SPOPL: variants seen among roughly 807,000 people sequenced by gnomAD.
The protein encoded by SPOPL is speckle type BTB/POZ protein like.
Under a neutral mutation model 53.8 loss-of-function variants are expected in SPOPL, and 23 were observed. That is an observed-to-expected ratio of 0.43 (90% CI 0.31 to 0.61). The LOEUF (loss-of-function observed/expected upper bound fraction) is 0.61. SPOPL is among the 20% of genes least tolerant of loss of function. The probability of loss-of-function intolerance (pLI) is 0.12; values close to 1 mark genes in which losing one functional copy is unlikely to be tolerated. For missense variants in SPOPL, 442 were observed against 466.9 expected (o/e 0.95, Z 0.49); for synonymous variants, 164 against 149.7 (o/e 1.10, Z -0.70).
In SPOPL at chr2:138,525,661, A is replaced by AAAAAAAAAC. The variant is rs1410816638; in HGVS notation, c.-61+23550_-61+23551insCAAAAAAAA. On this transcript the variant is annotated intron_variant, in intron 1 of 10. Transcript: ENST00000280098. ...CTGCATCAGTATAAAAAGTAGAAAAAAAAAAAAAAAAAATACACAAAAAAC... is the reference window on the plus strand; with the variant it reads ...CTGCATCAGTATAAAAAGTAGAAAAAAAAAAAAACAAAAAAAAAAAAATACACAAAAAAC... 1.4e-4 allele frequency among the ~76,000 whole-genome samples: 14 copies of AAAAAAAAAC among 98,418 alleles called. 1 individual carries two copies. The East Asian group carries it at 1.5e-3, about 10-fold the overall frequency. 64.6% of individuals were successfully genotyped at this position (98,418 alleles called of 152,430 possible).
intron 1 of SPOPL, among the ~76,000 whole-genome samples, chr2:138,535,370 A>G (rs188568304): frequency 1.3e-5 from 2 of 152,290 alleles, no homozygotes; most frequent in African/African-American, 4.8e-5. Context: ...ACCTAGGAGT[A>G]GAATAGCTGG....
rs562888484 is a variant in SPOPL, at chr2:138,512,480, A to G, written c.-61+10361A>G. ...GACGCGTGTTTTAATTTCAGTTAAAATATACTGCTTTTTCATTGCACAGTG... is the reference window on the plus strand; with the variant it reads ...GACGCGTGTTTTAATTTCAGTTAAAGTATACTGCTTTTTCATTGCACAGTG... On this transcript the variant is annotated intron_variant, in intron 1 of 10. Coordinates refer to ENST00000280098, the MANE Select transcript of SPOPL (RefSeq NM_001001664.3). Among the ~76,000 whole-genome samples the G allele has an allele frequency of 5.9e-5, 9 of 152,314 alleles. No homozygotes were observed. In the East Asian group the frequency reaches 1.7e-3, roughly 29 times the overall value.
intron 1 of SPOPL, among the ~76,000 whole-genome samples, chr2:138,535,094 A>T (rs1223560521): frequency 6.6e-6 from 1 of 152,166 alleles, no homozygotes; most frequent in Non-Finnish European, 1.5e-5. Context: ...ATAAGAAATA[A>T]AATTACCCAG....
chr2:138,533,121 A>G (rs558233776), intron 1 of SPOPL, among the ~76,000 whole-genome samples: 2 of 152,268 alleles, frequency 1.3e-5, no homozygotes, highest in African/African-American at 4.8e-5. Context: ...AAAATTTCCT[A>G]TTATCCACTC....
chr2:138,523,694 A>G (rs1019491581), intron 1 of SPOPL, among the ~76,000 whole-genome samples: 15 of 152,192 alleles, frequency 9.9e-5, no homozygotes, highest in African/African-American at 3.4e-4. Flanking sequence ...CCCCCATGCA[A>G]ATTCAAAATC....
intron 5 of SPOPL, among the ~76,000 whole-genome samples, chr2:138,557,537 AATTT>A (rs1314326276): frequency 7.9e-5 from 12 of 152,112 alleles, no homozygotes; most frequent in African/African-American, 1.7e-4. Context: ...TAGTTTAGCA[AATTT>A]ATTTATTTAT....
intron 8 of SPOPL, among the ~76,000 whole-genome samples, chr2:138,562,485 T>C (rs1486471447): frequency 2.0e-5 from 3 of 152,102 alleles, no homozygotes; most frequent in Non-Finnish European, 1.5e-5. Context: ...CCTCAAACCA[T>C]GTATACAAAG....
chr2:138,520,220 A>G (rs1306136775), intron 1 of SPOPL, among the ~76,000 whole-genome samples: 3 of 152,194 alleles, frequency 2.0e-5, no homozygotes, highest in Non-Finnish European at 4.4e-5. Context: ...TGCATAGGTA[A>G]TTTCTGATTC....
intron 1 of SPOPL, among the ~76,000 whole-genome samples, chr2:138,534,326 C>G (rs1278689459): frequency 6.6e-6 from 1 of 152,046 alleles, no homozygotes; most frequent in African/African-American, 2.4e-5. Flanking sequence ...TAAAACAGCA[C>G]AGTATAACAA....
chr2:138,531,650 A>T (rs72860811), intron 1 of SPOPL, among the ~76,000 whole-genome samples: 1,899 of 152,242 alleles, frequency 0.012, 24 homozygotes, highest in Non-Finnish European at 0.017. Context: ...TGATCTTTTA[A>T]AAAGTTTTCT....
At chr2:138,524,799 T>C (rs193235852) in intron 1 of SPOPL, among the ~76,000 whole-genome samples, 1 of 152,346 alleles carries the variant, frequency 6.6e-6, no homozygotes. Context: ...GTCCATATCA[T>C]TATTAGCATT....
chr2:138,544,130 T>A lies in SPOPL; in HGVS notation c.-60-6027T>A, dbSNP rs191242931. 1.5e-3 allele frequency among the ~76,000 whole-genome samples: 226 copies of A among 152,330 alleles called. 1 individual carries two copies. Among genetic ancestry groups the A allele is most frequent in the African/African-American group, 5.2e-3 (217 of 41,582 alleles). Reference sequence around the variant, plus strand: ...GAGGAGTACCCGGCCTTGTGAGGTGTCAGTCTGCCCCTACTGGGGGGTGTC... The same window carrying A: ...GAGGAGTACCCGGCCTTGTGAGGTGACAGTCTGCCCCTACTGGGGGGTGTC... On this transcript the variant is annotated intron_variant, in intron 1 of 10. Transcript: ENST00000280098.
chr2:138,539,523 T>A (rs1685017674), intron 1 of SPOPL, among the ~76,000 whole-genome samples: 2 of 152,258 alleles, frequency 1.3e-5, no homozygotes, highest in South Asian at 4.1e-4. Context: ...TTTTTTCATG[T>A]GTCTGTTGGC....
chr2:138,572,874 G>C lies in SPOPL; in HGVS notation c.*3794G>C, dbSNP rs985272052. On this transcript the variant is annotated 3_prime_UTR_variant, in exon 11 of 11. Coordinates refer to ENST00000280098, the MANE Select transcript of SPOPL (RefSeq NM_001001664.3). ...AATCACACAGTGTCTTCTGTTTGCA[G>C]TATGTGAACTTTATGTTTGAAAAGA... 2 of 152,430 alleles carry C rather than the reference G, an allele frequency of 1.3e-5. No homozygotes were observed. The highest frequency in any genetic ancestry group is 2.9e-5 in the Non-Finnish European group (2 of 67,974). 9.4% of individuals were successfully genotyped at this position (152,430 alleles called of 1,614,324 possible). A position where few individuals can be genotyped will look rare whatever the true frequency, so the allele number is the denominator to read the frequency against.
chr2:138,544,444 C>T (rs1358364936), intron 1 of SPOPL, among the ~76,000 whole-genome samples: 1 of 152,208 alleles, frequency 6.6e-6, no homozygotes, highest in African/African-American at 2.4e-5. Context: ...GGGCGCTCCT[C>T]CCCCAGCCTC....
intron 5 of SPOPL, 144 bp from the exon 6 acceptor site, chr2:138,558,878 C>G: frequency 2.0e-6 from 1 of 508,838 alleles, no homozygotes. Context: ...TTTTTAATTT[C>G]AGTTTCTGGA....
At position 138,550,894 on chromosome 2, in the gene SPOPL, T is replaced by A; in HGVS notation, c.201-9T>A. 1 of 1,601,804 alleles carries A rather than the reference T, an allele frequency of 6.2e-7. No homozygotes were observed. The highest frequency in any genetic ancestry group is 8.5e-7 in the Non-Finnish European group (1 of 1,175,732). ...TATTCCTCCATGTGAGCTTATTGTTTTATTTTAGGTGCCTGAGGGTAAACC... is the reference window on the plus strand; with the variant it reads ...TATTCCTCCATGTGAGCTTATTGTTATATTTTAGGTGCCTGAGGGTAAACC... On this transcript the variant is annotated splice_polypyrimidine_tract_variant and intron_variant, in intron 3 of 10. Transcript: ENST00000280098.
intron 10 of SPOPL, among the ~76,000 whole-genome samples, chr2:138,566,790 GAT>G (rs1383194577): frequency 2.0e-5 from 3 of 152,076 alleles, no homozygotes; most frequent in Non-Finnish European, 4.4e-5. Flanking sequence ...ATCTAATAGA[GAT>G]AGATATATAA....
intron 1 of SPOPL, among the ~76,000 whole-genome samples, chr2:138,542,183 G>T (rs959308761): frequency 6.6e-6 from 1 of 152,112 alleles, no homozygotes; most frequent in African/African-American, 2.4e-5. Context: ...AATAAATGTG[G>T]TGTGCTGCTG....
Sources: allele counts gnomAD v4.1 joint callset (sites outside exome capture counted in the v4.1 genomes callset), GRCh38; gene constraint gnomAD v4.1.1; transcripts MANE v1.5; gene names NCBI Gene and HGNC (gene_info 2026-07-23, HGNC 2026-07-21).